Variants in EXTL3 observed in about 807,000 individuals in gnomAD.
EXTL3 encodes the protein exostosin like glycosyltransferase 3.
In EXTL3, 27 loss-of-function variants were observed where a neutral mutation model predicts 69.3. The ratio of observed to expected loss-of-function variants is 0.39; its 90% CI spans 0.29 to 0.54. The LOEUF (loss-of-function observed/expected upper bound fraction) is 0.54. Ranked by LOEUF, EXTL3 falls within the 20% of genes least tolerant of loss-of-function variation. The pLI is 0.69. For missense variants in EXTL3, 1,003 were observed against 1,231.8 expected (o/e 0.81, Z 2.78); for synonymous variants, 511 against 499.4 (o/e 1.02, Z -0.31).
chr8:28,747,922 G>T (rs1379640935), intron 6 of EXTL3, among the ~76,000 whole-genome samples: 2 of 151,862 alleles, frequency 1.3e-5, no homozygotes, highest in African/African-American at 4.8e-5. Context: ...GTAGAAACAG[G>T]GTCTTGCCAT....
At chr8:28,737,334 T>C (rs558870660) in intron 4 of EXTL3, among the ~76,000 whole-genome samples, 185 bp from the exon 5 acceptor site, 1 of 152,362 alleles carries the variant, frequency 6.6e-6, no homozygotes, top group African/African-American at 2.4e-5. Context: ...TTAAGGAAGC[T>C]GAATATGATA....
At chr8:28,737,402 T>A (rs1182703644) in intron 4 of EXTL3, 117 bp from the exon 5 acceptor site, 26 of 1,069,110 alleles carry the variant, frequency 2.4e-5, no homozygotes, top group Non-Finnish European at 3.6e-5. Flanking sequence ...TTTGAAAGGA[T>A]ACGAGAAGTA....
chr8:28,717,562 C>T lies in EXTL3; in HGVS notation c.1503C>T (p.Ser501=), dbSNP rs150064380. 43 of 1,614,128 alleles carry T rather than the reference C, an allele frequency of 2.7e-5. No homozygotes were observed. The highest frequency in any genetic ancestry group is 2.5e-4 in the East Asian group (11 of 44,892). ...TTCATTTCCTGCTCAGAAGCCTCTC[C>T]GATAGTGACCTCCTGGCTATGAGGC... ...TEVHFLLRSL[S]DSDLLAMRRQ... The change falls in exon 3 of 7, where the codon TCC becomes TCT. Residue 501 remains serine (S), a synonymous_variant. Transcript: ENST00000220562. The surrounding 1 kb of genome is among the most constrained non-coding windows in gnomAD (Gnocchi z 8.3).
chr8:28,665,164 C>T (rs1346847818), intron 1 of EXTL3, among the ~76,000 whole-genome samples: 11 of 147,564 alleles, frequency 7.5e-5, no homozygotes, highest in African/African-American at 2.7e-4. Context: ...CTCCACCTCC[C>T]AGGTTAGAGT....
intron 1 of EXTL3, among the ~76,000 whole-genome samples, chr8:28,658,211 G>T (rs959936388): frequency 2.6e-5 from 4 of 151,038 alleles, no homozygotes; most frequent in African/African-American, 4.9e-5. Context: ...GGTGGGGGGG[G>T]TCCCTCAGAA....
At chr8:28,676,213 A>G (rs1308436010) in intron 1 of EXTL3, among the ~76,000 whole-genome samples, 1 of 152,020 alleles carries the variant, frequency 6.6e-6, no homozygotes, top group East Asian at 1.9e-4. Context: ...TTTGAGGCCT[A>G]CTCACCCACC....
chr8:28,608,762 C>A lies in EXTL3; in HGVS notation n.314+1004C>A, dbSNP rs1806235955. 2.0e-5 allele frequency among the ~76,000 whole-genome samples: 3 copies of A among 151,804 alleles called. No homozygotes were observed. In the South Asian group the frequency reaches 6.2e-4, roughly 32 times the overall value. ...ATCTGTGGTCCCAGCTACTTGGGAG[C>A]CTGAGGTAGGAGGATCGCTTGAGCT... On this transcript the variant is annotated intron_variant and non_coding_transcript_variant, in intron 2 of 4. Coordinates refer to the EXTL3 transcript ENST00000522725.
intron 1 of EXTL3, among the ~76,000 whole-genome samples, chr8:28,643,247 AAAC>A (rs1481584072): frequency 6.6e-6 from 1 of 152,064 alleles, no homozygotes; most frequent in Non-Finnish European, 1.5e-5. Context: ...CCATCTCAAA[AAAC>A]AAAAAAAAGA....
Position 28,755,414 on chromosome 8 carries a change from A to G in EXTL3, c.*4548A>G, listed in dbSNP as rs1802100098. 6.6e-6 allele frequency: 1 copy of G among 152,344 alleles called. No homozygotes were observed. The highest frequency in any genetic ancestry group is 2.1e-4 in the South Asian group (1 of 4,826). 9.4% of individuals were successfully genotyped at this position (152,344 alleles called of 1,614,324 possible). A position where few individuals can be genotyped will look rare whatever the true frequency, so the allele number is the denominator to read the frequency against. ...GAGGGTCACTTAGAAATCACAGCTT[A>G]GGCAAATTGTTTTACCTTTCTTCAT... On this transcript the variant is annotated 3_prime_UTR_variant, in exon 7 of 7. Transcript: ENST00000220562.
intron 1 of EXTL3, among the ~76,000 whole-genome samples, chr8:28,671,461 T>C (rs1807292800): frequency 6.6e-6 from 1 of 151,962 alleles, no homozygotes; most frequent in South Asian, 2.1e-4. Context: ...TGCTTCAACC[T>C]CTGGAGTAGG....
chr8:28,627,488 C>CAAAAAAAA, intron 1 of EXTL3, among the ~76,000 whole-genome samples: 1 of 92,978 alleles, frequency 1.1e-5, no homozygotes, highest in Non-Finnish European at 2.2e-5. Flanking sequence ...GACCCTGTCT[C>CAAAAAAAA]AAAAAAAAAA....
intron 1 of EXTL3, among the ~76,000 whole-genome samples, chr8:28,655,998 G>A (rs1231469416): frequency 6.6e-6 from 1 of 152,096 alleles, no homozygotes; most frequent in African/African-American, 2.4e-5. Flanking sequence ...AGAAAGAGCA[G>A]GTGGTGTCAA....
intron 1 of EXTL3, among the ~76,000 whole-genome samples, chr8:28,673,394 A>G (rs1037643066): frequency 3.3e-5 from 5 of 152,232 alleles, no homozygotes; most frequent in African/African-American, 1.2e-4. Context: ...AGCAGGCATC[A>G]TCTGATCGAT....
At chr8:28,641,538 A>G (rs761602403) in intron 1 of EXTL3, among the ~76,000 whole-genome samples, 2 of 151,488 alleles carry the variant, frequency 1.3e-5, no homozygotes, top group Non-Finnish European at 3.0e-5. Flanking sequence ...GTGCAGTGGC[A>G]TAATCTCAGC....
At chr8:28,734,799 C>T (rs1161595436) in intron 4 of EXTL3, among the ~76,000 whole-genome samples, 1 of 152,132 alleles carries the variant, frequency 6.6e-6, no homozygotes, top group African/African-American at 2.4e-5. Flanking sequence ...AGTTCTTTCT[C>T]TGTGCTTCCA....
chr8:28,746,764 C>T (rs1801896643), intron 6 of EXTL3, among the ~76,000 whole-genome samples: 1 of 152,128 alleles, frequency 6.6e-6, no homozygotes, highest in Admixed American at 6.5e-5. Flanking sequence ...CAACCTCTGC[C>T]TCCCGGGTTC....
intron 2 of EXTL3, among the ~76,000 whole-genome samples, chr8:28,616,248 G>C (rs1009542116): frequency 6.6e-6 from 1 of 152,038 alleles, no homozygotes; most frequent in Admixed American, 6.6e-5. Flanking sequence ...GAGGGAAATG[G>C]GGGAGGGGGT....
upstream of EXTL3, chr8:28,700,886 C>T (rs1358110292): frequency 6.6e-6 from 1 of 152,398 alleles, no homozygotes; most frequent in Non-Finnish European, 1.5e-5. Flanking sequence ...CTTTGGGGCT[C>T]ACAGGGGCTG....
In EXTL3 at chr8:28,717,444, T is replaced by C; in HGVS notation, c.1385T>C (p.Val462Ala). The change falls in exon 3 of 7, where the codon GTG (valine) becomes GCG (alanine). Residue 462 changes from valine (V) to alanine (A), a missense_variant. Around this residue, in one of 2 missense-constraint regions of EXTL3, gnomAD observed 742 missense variants for 815.4 expected, o/e 0.91. Coordinates refer to ENST00000220562, the MANE Select transcript of EXTL3 (RefSeq NM_001440.4). This position sits in a 1 kb window ranked among gnomAD's most constrained non-coding sequence, Gnocchi z 8.3. ...GCCCTGGAAGTCGGTGCCGTCCCGG[T>C]GGTGCTGGGGGAGCAGGTCCAGCTT... is the stretch of plus-strand genomic sequence containing the variant. ...FEALEVGAVP[V>A]VLGEQVQLPY... is the part of the protein sequence containing the mutation. 13 of 1,614,156 alleles carry C rather than the reference T, an allele frequency of 8.1e-6. No homozygotes were observed. The highest frequency in any genetic ancestry group is 1.1e-5 in the Non-Finnish European group (13 of 1,180,038).
Sources: gnomAD v4.1 joint callset for allele counts (sites outside exome capture counted in the v4.1 genomes callset) on GRCh38, gnomAD v4.1.1 for gene constraint, gnomAD v4.1.1 regional missense constraint, Gnocchi (gnomAD v3.1) non-coding constraint, MANE v1.5 for transcripts, NCBI Gene and HGNC (gene_info 2026-07-23, HGNC 2026-07-21) for gene names.